NDST4: variants seen among roughly 807,000 people sequenced by gnomAD.
The protein encoded by NDST4 is N-heparan sulfate sulfotransferase 4.
NDST4 carries 63 observed loss-of-function variants against 100.8 expected under a neutral mutation model. That is an observed-to-expected ratio of 0.62 (90% CI 0.51 to 0.77). The LOEUF (loss-of-function observed/expected upper bound fraction) is 0.77, where lower values mean the gene tolerates loss of function less well. NDST4 is among the 30% of genes least tolerant of loss of function. The pLI, the probability that NDST4 is intolerant of heterozygous loss-of-function variation, is 0.00. For synonymous variants in NDST4, 377 were observed against 361.8 expected, an observed-to-expected ratio of 1.04 and a Z score of -0.48; for missense variants, 943 against 1,018.4, an observed-to-expected ratio of 0.93 and a Z score of 1.01.
At chr4:115,066,830 C>T (rs1246798160) in intron 2 of NDST4, among the ~76,000 whole-genome samples, 1 of 152,170 alleles carries the variant, frequency 6.6e-6, no homozygotes, top group African/African-American at 2.4e-5. Flanking sequence ...GGAAGTATTG[C>T]TGATGGCTCC....
At chr4:114,986,705 T>A (rs1266935164) in intron 2 of NDST4, among the ~76,000 whole-genome samples, 1 of 149,926 alleles carries the variant, frequency 6.7e-6, no homozygotes, top group Non-Finnish European at 1.5e-5. Flanking sequence ...TAAAATGTGA[T>A]CTCATTATGA....
At chr4:114,954,576 A>C (rs1485280565) in intron 4 of NDST4, among the ~76,000 whole-genome samples, 1 of 152,222 alleles carries the variant, frequency 6.6e-6, no homozygotes, top group Non-Finnish European at 1.5e-5. Context: ...GATAAAAGCT[A>C]TACTCTCTCC....
At chr4:115,033,762 G>T (rs904155779) in intron 2 of NDST4, among the ~76,000 whole-genome samples, 2 of 151,606 alleles carry the variant, frequency 1.3e-5, no homozygotes, top group African/African-American at 4.8e-5. Flanking sequence ...ACATTTGAAC[G>T]ATGTTTATCA....
At chr4:114,963,545 G>GTTTACACT (rs1030454089) in intron 4 of NDST4, among the ~76,000 whole-genome samples, 1 of 152,152 alleles carries the variant, frequency 6.6e-6, no homozygotes, top group African/African-American at 2.4e-5. Flanking sequence ...AACCATTGAA[G>GTTTACACT]TTTACACTTT....
chr4:114,986,366 G>A (rs1444725936), intron 2 of NDST4, among the ~76,000 whole-genome samples: 2 of 152,018 alleles, frequency 1.3e-5, no homozygotes, highest in Non-Finnish European at 2.9e-5. Context: ...TGCCCTAAAC[G>A]TTGTTACTGG....
At chr4:115,087,726 C>T (rs1344404537) in intron 1 of NDST4, among the ~76,000 whole-genome samples, 1 of 151,630 alleles carries the variant, frequency 6.6e-6, no homozygotes, top group East Asian at 1.9e-4. Flanking sequence ...TCATGATATG[C>T]TTTCCTGTTT....
intron 10 of NDST4, among the ~76,000 whole-genome samples, chr4:114,840,792 C>T (rs1204985946): frequency 6.6e-6 from 1 of 151,816 alleles, no homozygotes. Flanking sequence ...TAATGGCTGG[C>T]CTTATGTGTG....
At chr4:114,831,154 G>A (rs1723189331) in intron 12 of NDST4, among the ~76,000 whole-genome samples, 1 of 149,738 alleles carries the variant, frequency 6.7e-6, no homozygotes, top group African/African-American at 2.5e-5. Context: ...CCGGGTTCAC[G>A]CCATTCTCCT....
intron 6 of NDST4, among the ~76,000 whole-genome samples, chr4:114,924,744 C>T (rs894796682): frequency 5.3e-5 from 8 of 151,948 alleles, no homozygotes; most frequent in South Asian, 2.1e-4. Flanking sequence ...ACATACAGTT[C>T]GATGGAAGAA....
chr4:115,009,376 T>C (rs1578449759), intron 2 of NDST4, among the ~76,000 whole-genome samples: 1 of 127,468 alleles, frequency 7.8e-6, no homozygotes, highest in Admixed American at 8.0e-5. Context: ...TCAGAAATAA[T>C]GCTGCATATC....
intron 2 of NDST4, among the ~76,000 whole-genome samples, chr4:115,007,735 T>C (rs1727453630): frequency 7.7e-6 from 1 of 129,536 alleles, no homozygotes; most frequent in Non-Finnish European, 1.7e-5. Context: ...GATATCTGCT[T>C]AGATGCTAAA....
chr4:114,838,902 T>C (rs532254468), intron 11 of NDST4, among the ~76,000 whole-genome samples: 2 of 152,170 alleles, frequency 1.3e-5, no homozygotes, highest in East Asian at 1.9e-4. Context: ...GTAGCCATTA[T>C]AACACTCCCC....
intron 2 of NDST4, among the ~76,000 whole-genome samples, chr4:115,074,542 G>T (rs796999866): frequency 3.3e-5 from 5 of 152,116 alleles, no homozygotes; most frequent in African/African-American, 1.2e-4. Context: ...GAAAAATCTG[G>T]ATAGAACTCA....
At chr4:114,988,179 T>C (rs1447152537) in intron 2 of NDST4, among the ~76,000 whole-genome samples, 1 of 151,890 alleles carries the variant, frequency 6.6e-6, no homozygotes, top group African/African-American at 2.4e-5. Flanking sequence ...TCTTAAAGCA[T>C]CTTATTCTTG....
chr4:114,971,724 GT>G lies in NDST4; in HGVS notation c.1067-1141del, dbSNP rs144484984. Among the ~76,000 whole-genome samples the G allele has an allele frequency of 5.9e-3, 897 of 152,096 alleles. 6 individuals carry two copies. Among genetic ancestry groups the G allele is most frequent in the African/African-American group, 0.019 (773 of 41,516 alleles). On this transcript the variant is annotated intron_variant, in intron 3 of 13. Transcript: ENST00000264363. ...ATTTAGGGAATAAATATTAAAGATG[GT>G]TATAAGGATTTTCTCTGAATGTTCC...
At chr4:115,072,866 A>G (rs1328464551) in intron 2 of NDST4, among the ~76,000 whole-genome samples, 2 of 152,068 alleles carry the variant, frequency 1.3e-5, no homozygotes, top group Admixed American at 1.3e-4. Context: ...TTATACAGCA[A>G]TGGAAGCAAC....
chr4:115,073,864 C>T (rs1222976999), intron 2 of NDST4, among the ~76,000 whole-genome samples: 1 of 151,828 alleles, frequency 6.6e-6, no homozygotes, highest in African/African-American at 2.4e-5. Context: ...TGTATCTAAA[C>T]ATTTCATTAT....
At chr4:115,110,492 C>T (rs1042592800) in intron 1 of NDST4, among the ~76,000 whole-genome samples, 2 of 151,940 alleles carry the variant, frequency 1.3e-5, no homozygotes, top group Non-Finnish European at 2.9e-5. Flanking sequence ...TGCCTACCTT[C>T]AGAAGATATA....
intron 2 of NDST4, among the ~76,000 whole-genome samples, chr4:115,033,158 T>TA (rs1491196854): frequency 2.3e-3 from 113 of 48,546 alleles, no homozygotes; most frequent in South Asian, 5.6e-3. Context: ...TATATATATA[T>TA]TTTTTTTTTT....
Sources: gnomAD v4.1 joint callset for allele counts (sites outside exome capture counted in the v4.1 genomes callset) on GRCh38, gnomAD v4.1.1 for gene constraint, MANE v1.5 for transcripts, NCBI Gene and HGNC (gene_info 2026-07-23, HGNC 2026-07-21) for gene names.